The following KLHL4 variants were observed in gnomAD, a reference collection of about 807,000 sequenced individuals.
The protein encoded by KLHL4 is kelch-like protein 4.
In KLHL4, 17 loss-of-function variants were observed where a neutral mutation model predicts 45.8. That is an observed-to-expected ratio of 0.37 (90% CI 0.25 to 0.56). The LOEUF is 0.56. Among genes scored for constraint, KLHL4 ranks in the 20% least tolerant of loss-of-function variants. KLHL4 has a pLI of 0.79. For synonymous variants in KLHL4, 224 were observed against 189.9 expected, an observed-to-expected ratio of 1.18 and a Z score of -1.47; for missense variants, 544 against 544.9, an observed-to-expected ratio of 1.00 and a Z score of 0.02.
chrX:87,618,399 G>T (rs1922638059), intron 4 of KLHL4, among the ~76,000 whole-genome samples: 1 of 111,697 alleles, frequency 9.0e-6, no homozygotes, highest in South Asian at 3.7e-4. Context: ...ATAGTATTAA[G>T]AAAATGTTAA....
chrX:87,591,177 TTCTA>T (rs977564181), intron 1 of KLHL4, among the ~76,000 whole-genome samples: 1 of 112,078 alleles, frequency 8.9e-6, no homozygotes, highest in Non-Finnish European at 1.9e-5. Flanking sequence ...ATAAAAACCA[TTCTA>T]TCTAATATCT....
rs1486953018 is a variant in KLHL4 at position 87,667,094 on chromosome X, A to AC, written c.*560_*561insC. 1.5e-5 allele frequency: 11 copies of AC among 748,182 alleles called. No homozygotes were observed. The African/African-American group carries it at 2.6e-4, about 17-fold the overall frequency. 61.7% of individuals were successfully genotyped at this position (748,182 alleles called of 1,213,427 possible). ...AGCTTTTACTGTGTTGAAGCTAAAA[A>AC]AATAATGGCTCTTTGACAAAACTTG... On this transcript the variant is annotated 3_prime_UTR_variant, in exon 11 of 11. Coordinates refer to ENST00000373119, the MANE Select transcript of KLHL4 (RefSeq NM_019117.5).
At chrX:87,636,171 G>A (rs866585193) in intron 9 of KLHL4, among the ~76,000 whole-genome samples, 16 of 111,726 alleles carry the variant, frequency 1.4e-4, no homozygotes, top group Admixed American at 7.6e-4. Context: ...TAAATATTCC[G>A]TATACATTTC....
At chrX:87,582,337 C>T (rs1382923336) in intron 1 of KLHL4, among the ~76,000 whole-genome samples, 1 of 111,898 alleles carries the variant, frequency 8.9e-6, no homozygotes, top group Admixed American at 9.4e-5. Context: ...ACTTCCCCAA[C>T]ATCCAGCAGC....
chrX:87,665,025 C>T (rs1330405717), intron 10 of KLHL4, 90 bp downstream of exon 10: 2 of 532,569 alleles, frequency 3.8e-6, no homozygotes, highest in Non-Finnish European at 2.9e-6. Context: ...GTATTCTCTT[C>T]TCTAGGCCCT....
intron 8 of KLHL4, among the ~76,000 whole-genome samples, chrX:87,635,253 C>T (rs1207192559): frequency 1.8e-5 from 2 of 111,686 alleles, no homozygotes; most frequent in Middle Eastern, 4.2e-3. Context: ...TTTGATCTTT[C>T]CCTCTTTTTT....
chrX:87,649,714 T>C (rs1403500919), intron 9 of KLHL4, among the ~76,000 whole-genome samples: 1 of 111,470 alleles, frequency 9.0e-6, no homozygotes, highest in Non-Finnish European at 1.9e-5. Context: ...AGATTCAACT[T>C]TATTCTTTTG....
chrX:87,561,045 C>T (rs1418122346), intron 1 of KLHL4, among the ~76,000 whole-genome samples: 1 of 110,801 alleles, frequency 9.0e-6, no homozygotes, highest in South Asian at 3.8e-4. Context: ...AATTATGAAA[C>T]TGCTAGAAAA....
intron 1 of KLHL4, among the ~76,000 whole-genome samples, chrX:87,590,813 C>T (rs1228018727): frequency 9.0e-6 from 1 of 111,605 alleles, no homozygotes; most frequent in African/African-American, 3.3e-5. Context: ...CAGGCTTGTC[C>T]AGGAAACATG....
At chrX:87,521,478 G>A (rs763260749) in intron 1 of KLHL4, among the ~76,000 whole-genome samples, 24 of 111,368 alleles carry the variant, frequency 2.2e-4, no homozygotes, top group Admixed American at 9.6e-5. Context: ...ACATTCTAAT[G>A]GGAAGAGAGA....
At chrX:87,562,059 GA>G (rs1213754596) in intron 1 of KLHL4, among the ~76,000 whole-genome samples, 6 of 109,021 alleles carry the variant, frequency 5.5e-5, no homozygotes, top group African/African-American at 2.0e-4. Context: ...CTTCATTTGT[GA>G]CCCAGCACAT....
At chrX:87,646,550 T>C (rs1923641747) in intron 9 of KLHL4, among the ~76,000 whole-genome samples, 1 of 111,591 alleles carries the variant, frequency 9.0e-6, no homozygotes, top group Non-Finnish European at 1.9e-5. Flanking sequence ...ACTAGGCATA[T>C]AGATGACTGG....
chrX:87,594,462 A>G lies in KLHL4; in HGVS notation c.423-19415A>G, dbSNP rs762321658. 3.6e-5 allele frequency among the ~76,000 whole-genome samples: 4 copies of G among 111,681 alleles called. No individual in the cohort carries two copies. The East Asian group carries it at 1.1e-3, about 32-fold the overall frequency. ...CAAACTTTTTGCATTGATTCACTTC[A>G]TCTGCCCTCATGTGTTAAACTGCAG... is the stretch of plus-strand genomic sequence containing the variant. On this transcript the variant is annotated intron_variant, in intron 1 of 10. Transcript: ENST00000373119.
chrX:87,614,143 T>G lies in KLHL4; in HGVS notation c.590+99T>G. 4.4e-6 allele frequency: 3 copies of G among 677,111 alleles called. No individual in the cohort carries two copies. The Admixed American group carries it at 1.0e-4, about 23-fold the overall frequency. The allele number at this position is 677,111 out of a possible 1,213,427, so 55.8% of individuals were successfully genotyped here. On this transcript the variant is annotated intron_variant, in intron 2 of 10. Coordinates refer to ENST00000373119, the MANE Select transcript of KLHL4 (RefSeq NM_019117.5). ...ATAAACTGGAATATTGTAAAAATAT[T>G]TATTTTCCTATATTGAAAAAGTCTT... is the stretch of plus-strand genomic sequence containing the variant.
chrX:87,647,734 G>A, intron 9 of KLHL4, among the ~76,000 whole-genome samples: 1 of 111,263 alleles, frequency 9.0e-6, no homozygotes, highest in East Asian at 2.8e-4. Flanking sequence ...AGAGGAAAGG[G>A]TGGGAGTAGG....
At chrX:87,601,550 C>T (rs1169298233) in intron 1 of KLHL4, among the ~76,000 whole-genome samples, 5 of 111,328 alleles carry the variant, frequency 4.5e-5, no homozygotes, top group Non-Finnish European at 9.4e-5. Context: ...CTCACCCAAG[C>T]CCTGAGATCT....
At chrX:87,644,973 T>G (rs956068311) in intron 9 of KLHL4, among the ~76,000 whole-genome samples, 3 of 111,573 alleles carry the variant, frequency 2.7e-5, no homozygotes, top group Non-Finnish European at 5.7e-5. Flanking sequence ...GAAAAACCCT[T>G]CTAGACATTG....
At chrX:87,549,229 G>A (rs1191934445) in intron 1 of KLHL4, among the ~76,000 whole-genome samples, 4 of 110,624 alleles carry the variant, frequency 3.6e-5, no homozygotes, top group African/African-American at 9.8e-5. Context: ...TAATAGCAAC[G>A]TTAAATATAT....
At chrX:87,553,305 C>T (rs921602259) in intron 1 of KLHL4, among the ~76,000 whole-genome samples, 1 of 110,406 alleles carries the variant, frequency 9.1e-6, no homozygotes, top group South Asian at 3.7e-4. Flanking sequence ...CATACTTTGA[C>T]TCAATGTAAT....
Sources: gnomAD v4.1 joint callset for allele counts (sites outside exome capture counted in the v4.1 genomes callset) on GRCh38, gnomAD v4.1.1 for gene constraint, MANE v1.5 for transcripts, NCBI Gene and HGNC (gene_info 2026-07-23, HGNC 2026-07-21) for gene names.